Variants in DCDC1 observed in about 807,000 individuals in gnomAD.
DCDC1 encodes doublecortin domain containing 1.
A neutral mutation model predicts 178.3 loss-of-function variants in DCDC1; 200 were observed. That is an observed-to-expected ratio of 1.12 (90% CI 1.00 to 1.26). The LOEUF is 1.26. Among genes scored for constraint, DCDC1 ranks in the 50% most tolerant of loss-of-function variants. The pLI is 0.00. For synonymous variants in DCDC1, 690 were observed against 604.8 expected (o/e 1.14, Z -2.07); for missense variants, 1,983 against 1,749.2 (o/e 1.13, Z -2.38).
chr11:31,170,749 G>A (rs907703228), intron 9 of DCDC1, among the ~76,000 whole-genome samples: 3 of 152,130 alleles, frequency 2.0e-5, no homozygotes, highest in African/African-American at 7.2e-5. Flanking sequence ...TTACTCTTTA[G>A]GCACAAGAGG....
intron 23 of DCDC1, among the ~76,000 whole-genome samples, chr11:30,923,687 C>T (rs765666864): frequency 2.6e-5 from 4 of 151,476 alleles, no homozygotes; most frequent in East Asian, 1.9e-4. Context: ...GGCATGCTTT[C>T]GGCTCACTGC....
chr11:30,880,615 A>G (rs1942576734), intron 37 of DCDC1, among the ~76,000 whole-genome samples: 1 of 152,102 alleles, frequency 6.6e-6, no homozygotes, highest in Admixed American at 6.6e-5. Flanking sequence ...CCTACCTACA[A>G]ATACTGGCTT....
intron 37 of DCDC1, among the ~76,000 whole-genome samples, chr11:30,880,700 T>G (rs1479865572): frequency 6.6e-6 from 1 of 152,132 alleles, no homozygotes; most frequent in Non-Finnish European, 1.5e-5. Flanking sequence ...TCAATTTCTG[T>G]CATTTATCAA....
chr11:31,043,039 A>G (rs1954581871), intron 20 of DCDC1, among the ~76,000 whole-genome samples: 1 of 152,234 alleles, frequency 6.6e-6, no homozygotes, highest in Non-Finnish European at 1.5e-5. Context: ...CGCCTACTAT[A>G]CATCTAGGCT....
At chr11:31,192,117 C>A (rs1046002630) in intron 9 of DCDC1, among the ~76,000 whole-genome samples, 1 of 151,974 alleles carries the variant, frequency 6.6e-6, no homozygotes, top group Non-Finnish European at 1.5e-5. Context: ...CAAAATCTCT[C>A]GAATCTTTTC....
In DCDC1 at chr11:31,127,486, C is replaced by T. The variant is rs1466720383; in HGVS notation, c.1468G>A (p.Gly490Arg). Residue 490 changes from glycine (G) to arginine (R), a missense_variant, in exon 11 of 39, where the codon GGA becomes AGA. By Grantham distance (125) the Gly-to-Arg change is moderately radical. Transcript: ENST00000684477. ...ACACCCACCTTAAGCTGCAGGCCTCCTGGGACAAGCGTGTTTGCTGGAAGG... is the reference window on the plus strand; with the variant it reads ...ACACCCACCTTAAGCTGCAGGCCTCTTGGGACAAGCGTGTTTGCTGGAAGG... ...KSLPANTLVP[G>R]GLQLKVFENG... The T allele has an allele frequency of 2.8e-6, 2 of 702,460 alleles. No homozygotes were observed. Among genetic ancestry groups the T allele is most frequent in the Non-Finnish European group, 5.2e-6 (2 of 384,636 alleles). The allele number at this position is 702,460 out of a possible 1,614,324, so 43.5% of individuals were successfully genotyped here. A position where few individuals can be genotyped will look rare whatever the true frequency, so the allele number is the denominator to read the frequency against.
intron 38 of DCDC1, among the ~76,000 whole-genome samples, chr11:30,873,461 T>C (rs1263009368): frequency 6.6e-6 from 1 of 151,940 alleles, no homozygotes; most frequent in Non-Finnish European, 1.5e-5. Context: ...CCAAGGAAAG[T>C]GTCTGTCTTC....
rs115777339 is a variant in DCDC1 at position 30,931,962 on chromosome 11, G to T, written c.2716-10C>A. 1.0e-3 allele frequency: 1,609 copies of T among 1,592,348 alleles called. 5 individuals carry two copies. The African/African-American group carries it at 0.02, about 19-fold the overall frequency. ...TTGGCCAATCAAACTCCTTCAGAAAGAAATGACAAAAACATAATAATAAAT... is the reference window on the plus strand; with the variant it reads ...TTGGCCAATCAAACTCCTTCAGAAATAAATGACAAAAACATAATAATAAAT... On this transcript the variant is annotated splice_polypyrimidine_tract_variant and intron_variant, in intron 21 of 38. Transcript: ENST00000684477.
chr11:31,125,418 T>C (rs755749612), intron 11 of DCDC1, among the ~76,000 whole-genome samples: 3 of 152,172 alleles, frequency 2.0e-5, no homozygotes, highest in Non-Finnish European at 2.9e-5. Context: ...CAGCATCTCA[T>C]TACTGGGTAT....
intron 9 of DCDC1, among the ~76,000 whole-genome samples, chr11:31,187,036 C>T (rs373473114): frequency 6.6e-6 from 1 of 152,140 alleles, no homozygotes; most frequent in Non-Finnish European, 1.5e-5. Context: ...AACAGTGACA[C>T]TATTTTCATT....
intron 9 of DCDC1, among the ~76,000 whole-genome samples, chr11:31,142,771 G>A (rs1334809693): frequency 1.3e-5 from 2 of 151,908 alleles, no homozygotes; most frequent in Non-Finnish European, 2.9e-5. Flanking sequence ...TCAGACTAAG[G>A]ACTATGAAGA....
chr11:31,082,650 T>C (rs1202853935), intron 17 of DCDC1, among the ~76,000 whole-genome samples: 1 of 152,100 alleles, frequency 6.6e-6, no homozygotes, highest in Non-Finnish European at 1.5e-5. Flanking sequence ...TCTACACATA[T>C]ATATGTGCAT....
chr11:31,098,937 T>C (rs1339230219), intron 15 of DCDC1, among the ~76,000 whole-genome samples: 1 of 152,242 alleles, frequency 6.6e-6, no homozygotes, highest in African/African-American at 2.4e-5. Context: ...AAAAATGCCA[T>C]AGCATATAAC....
At chr11:31,357,822 T>A (rs1460837464) in intron 1 of DCDC1, among the ~76,000 whole-genome samples, 5 of 151,548 alleles carry the variant, frequency 3.3e-5, no homozygotes, top group Non-Finnish European at 7.4e-5. Context: ...AAATCATGAG[T>A]GAACTCCCAT....
chr11:31,028,155 A>G (rs1326267368), intron 20 of DCDC1, among the ~76,000 whole-genome samples: 2 of 152,060 alleles, frequency 1.3e-5, no homozygotes, highest in South Asian at 2.1e-4. Context: ...TTTTTCTAAC[A>G]CAGATAAAGT....
intron 9 of DCDC1, among the ~76,000 whole-genome samples, chr11:31,144,671 T>C (rs969161080): frequency 6.6e-6 from 1 of 152,188 alleles, no homozygotes; most frequent in Non-Finnish European, 1.5e-5. Flanking sequence ...ATTGAACTTT[T>C]TTTCTATGTA....
chr11:31,023,433 T>C (rs983809200), intron 20 of DCDC1, among the ~76,000 whole-genome samples: 10 of 151,900 alleles, frequency 6.6e-5, no homozygotes, highest in African/African-American at 2.2e-4. Flanking sequence ...AAGGCTTATG[T>C]TGGAACAAGG....
intron 23 of DCDC1, among the ~76,000 whole-genome samples, 151 bp from the exon 24 acceptor site, chr11:30,922,789 C>T (rs1303973363): frequency 6.6e-6 from 1 of 151,934 alleles, no homozygotes; most frequent in African/African-American, 2.4e-5. Context: ...TCAGTACTTT[C>T]AAAAAAATCA....
At chr11:30,866,905 G>A (rs1290278761) in intron 38 of DCDC1, among the ~76,000 whole-genome samples, 1 of 152,142 alleles carries the variant, frequency 6.6e-6, no homozygotes, top group African/African-American at 2.4e-5. Context: ...GCTATAAAAA[G>A]GGCATGTGGG....
Sources: allele counts gnomAD v4.1 joint callset (sites outside exome capture counted in the v4.1 genomes callset), GRCh38; gene constraint gnomAD v4.1.1; transcripts MANE v1.5; gene names NCBI Gene and HGNC (gene_info 2026-07-23, HGNC 2026-07-21).